STK31: variants seen among roughly 807,000 people sequenced by gnomAD.
STK31 encodes the protein serine/threonine kinase 31.
STK31 carries 89 observed loss-of-function variants against 129.7 expected under a neutral mutation model. That is an observed-to-expected ratio of 0.69 (90% CI 0.58 to 0.82). The LOEUF (loss-of-function observed/expected upper bound fraction) is 0.82, where lower values mean the gene tolerates loss of function less well. STK31 is among the 40% of genes least tolerant of loss of function. The pLI is 0.00. For synonymous variants in STK31, 448 were observed against 395.3 expected (o/e 1.13, Z -1.58); for missense variants, 1,187 against 1,176.4 (o/e 1.01, Z -0.13).
At chr7:23,758,550 A>G (rs562305576) in intron 10 of STK31, among the ~76,000 whole-genome samples, 1 of 150,744 alleles carries the variant, frequency 6.6e-6, no homozygotes, top group Non-Finnish European at 1.5e-5. Flanking sequence ...TAGTTCTTTT[A>G]ATTGTGATGT....
At chr7:23,760,951 C>G (rs768206899) in intron 10 of STK31, among the ~76,000 whole-genome samples, 76 of 152,192 alleles carry the variant, frequency 5.0e-4, no homozygotes, top group Non-Finnish European at 9.6e-4. Flanking sequence ...CAAGTGTTAG[C>G]TACCATGCCC....
intron 22 of STK31, among the ~76,000 whole-genome samples, chr7:23,808,150 A>AATAT (rs569815420): frequency 0.011 from 1,486 of 130,798 alleles, 16 homozygotes; most frequent in African/African-American, 0.021. Flanking sequence ...AATCCTTTTT[A>AATAT]ATATATATAT....
intron 17 of STK31, among the ~76,000 whole-genome samples, 194 bp from the exon 18 acceptor site, chr7:23,785,284 A>G (rs1791200685): frequency 6.6e-6 from 1 of 152,232 alleles, no homozygotes; most frequent in Non-Finnish European, 1.5e-5. Flanking sequence ...TATGGTGATT[A>G]CACTTTGGGT....
intron 8 of STK31, among the ~76,000 whole-genome samples, chr7:23,751,453 G>A (rs1032092258): frequency 2.0e-5 from 3 of 152,194 alleles, no homozygotes; most frequent in Non-Finnish European, 4.4e-5. Context: ...GTCCTTTTAA[G>A]TTGATTGACA....
chr7:23,730,878 A>ATATTTTTTTTTTTTTTTTTTT, intron 6 of STK31, among the ~76,000 whole-genome samples: 1 of 59,556 alleles, frequency 1.7e-5, no homozygotes, highest in Admixed American at 2.7e-4. Flanking sequence ...ATATATATAT[A>ATATTTTTTTTTTTTTTTTTTT]TTTTTTTTTT....
intron 23 of STK31, among the ~76,000 whole-genome samples, chr7:23,831,236 G>C (rs1173466612): frequency 2.0e-5 from 3 of 152,066 alleles, no homozygotes; most frequent in Admixed American, 6.5e-5. Context: ...GGTGGAGTCT[G>C]TTTCTCCCTT....
At position 23,828,297 on chromosome 7, in the gene STK31, G is replaced by C. The variant is rs539443592; in HGVS notation, c.2830-3839G>C. ...CCTACTCAAGCCTGAGCAATGGCAG[G>C]CACCCCTCCCCCAGCCTCGCTGCCG... On this transcript the variant is annotated intron_variant, in intron 23 of 23. Transcript: ENST00000355870. Among the ~76,000 whole-genome samples, 5 of 152,282 alleles carry C rather than the reference G, an allele frequency of 3.3e-5. No individual in the cohort carries two copies. In the South Asian group the frequency reaches 1.0e-3, roughly 32 times the overall value.
In STK31 at chr7:23,737,039, G is replaced by A. The variant is rs376761636; in HGVS notation, c.978G>A (p.Ala326=). The part of the protein sequence containing the change: ...EKDALLESYK[A]LELKVEQIAQ... Reference sequence around the variant, plus strand: ...ACGCTCTTCTTGAAAGTTATAAGGCGTTAGAATTGAAAGTAGAGCAGATTG... The same window carrying A: ...ACGCTCTTCTTGAAAGTTATAAGGCATTAGAATTGAAAGTAGAGCAGATTG... Residue 326 remains alanine (A), a synonymous_variant, in exon 8 of 24, where the codon GCG becomes GCA. Transcript: ENST00000355870. 107 of 1,610,696 alleles carry A rather than the reference G, an allele frequency of 6.6e-5. No individual in the cohort carries two copies. In the South Asian group the frequency reaches 7.2e-4, roughly 11 times the overall value.
At chr7:23,819,479 G>A (rs1279336153) in intron 23 of STK31, among the ~76,000 whole-genome samples, 1 of 151,084 alleles carries the variant, frequency 6.6e-6, no homozygotes, top group South Asian at 2.1e-4. Context: ...GCAGGGGCAC[G>A]ATCTCAGCCA....
At chr7:23,767,104 T>A (rs1789875847) in intron 11 of STK31, among the ~76,000 whole-genome samples, 1 of 152,190 alleles carries the variant, frequency 6.6e-6, no homozygotes, top group African/African-American at 2.4e-5. Flanking sequence ...GCTTTTGTGT[T>A]TCCAATATTC....
At chr7:23,822,921 TGAAC>T (rs1793881740) in intron 23 of STK31, among the ~76,000 whole-genome samples, 1 of 152,234 alleles carries the variant, frequency 6.6e-6, no homozygotes, top group Non-Finnish European at 1.5e-5. Context: ...ACAAAGGACA[TGAAC>T]TCATCCTTTT....
At chr7:23,765,317 T>C (rs1407148906) in intron 11 of STK31, among the ~76,000 whole-genome samples, 2 of 152,154 alleles carry the variant, frequency 1.3e-5, no homozygotes, top group African/African-American at 2.4e-5. Context: ...GCCTCCAAAG[T>C]GCTAGATTTA....
chr7:23,772,382 C>A, intron 15 of STK31, 104 bp downstream of exon 15: 2 of 1,162,616 alleles, frequency 1.7e-6, no homozygotes, highest in Non-Finnish European at 1.2e-6. Flanking sequence ...AATAAGAGAG[C>A]CATTACATTC....
chr7:23,731,072 T>C (rs1434773826), intron 6 of STK31, among the ~76,000 whole-genome samples: 10 of 150,930 alleles, frequency 6.6e-5, no homozygotes, highest in Non-Finnish European at 1.2e-4. Flanking sequence ...TTAGTAGAGG[T>C]GGGGTTTCAC....
intron 15 of STK31, among the ~76,000 whole-genome samples, chr7:23,776,921 C>T (rs796639323): frequency 1.2e-4 from 19 of 152,142 alleles, no homozygotes; most frequent in East Asian, 3.9e-4. Context: ...GTTAGGGTGT[C>T]GATTTTAGAT....
intron 15 of STK31, among the ~76,000 whole-genome samples, chr7:23,777,952 A>G (rs1003113631): frequency 6.6e-6 from 1 of 151,990 alleles, no homozygotes; most frequent in African/African-American, 2.4e-5. Flanking sequence ...ACAATTTGGT[A>G]TGTTTTTGCA....
Position 23,829,207 on chromosome 7 carries a change from C to G in STK31, c.2830-2929C>G, listed in dbSNP as rs186776225. Among the ~76,000 whole-genome samples, 83 of 152,084 alleles carry G rather than the reference C, an allele frequency of 5.5e-4. 1 individual carries two copies. Among genetic ancestry groups the G allele is most frequent in the African/African-American group, 2.0e-3 (81 of 41,494 alleles). Reference sequence around the variant, plus strand: ...ATTACAGGCGTGAGCCACTGTGTCTCACTAGAGGATTGCTTTTCTTTTCCC... The same window carrying G: ...ATTACAGGCGTGAGCCACTGTGTCTGACTAGAGGATTGCTTTTCTTTTCCC... On this transcript the variant is annotated intron_variant, in intron 23 of 23. Transcript: ENST00000355870.
chr7:23,763,058 C>A (rs1350666164), intron 11 of STK31, 135 bp downstream of exon 11: 3 of 734,664 alleles, frequency 4.1e-6, no homozygotes, highest in Non-Finnish European at 6.1e-6. Context: ...ATTCTGATTT[C>A]TTTTTAATGG....
intron 17 of STK31, 50 bp from the exon 18 acceptor site, chr7:23,785,428 A>C: frequency 6.3e-7 from 1 of 1,588,564 alleles, no homozygotes. Flanking sequence ...ATGATTTTTA[A>C]GTGCTGGGAT....
Sources: gnomAD v4.1 joint callset for allele counts (sites outside exome capture counted in the v4.1 genomes callset) on GRCh38, gnomAD v4.1.1 for gene constraint, MANE v1.5 for transcripts, NCBI Gene and HGNC (gene_info 2026-07-23, HGNC 2026-07-21) for gene names.